The following GMCL1 variants were observed in gnomAD, a reference collection of about 807,000 sequenced individuals.
GMCL1 encodes the protein germ cell-less 1, spermatogenesis associated.
GMCL1 carries 54 observed loss-of-function variants against 75.5 expected under a neutral mutation model. The ratio of observed to expected loss-of-function variants is 0.71; its 90% CI spans 0.57 to 0.90. The LOEUF (loss-of-function observed/expected upper bound fraction) is 0.90. Among genes scored for constraint, GMCL1 ranks in the 40% least tolerant of loss-of-function variants. The pLI is 0.00. For synonymous variants in GMCL1, 210 were observed against 209.6 expected (o/e 1.00, Z -0.02); for missense variants, 537 against 622.7 (o/e 0.86, Z 1.47).
At chr2:69,842,974 T>C (rs17037133) in intron 4 of GMCL1, 175 bp from the exon 5 acceptor site, 11,797 of 388,152 alleles carry the variant, frequency 0.03, 1,083 homozygotes, top group Admixed American at 0.2. Context: ...TTTTTCAGTA[T>C]TTTTATTGGA....
rs1674971322 is a variant in GMCL1 at position 69,841,072 on chromosome 2, GAAT to G, written c.579+40_579+42del. On this transcript the variant is annotated intron_variant, in intron 4 of 13. Coordinates refer to ENST00000282570, the MANE Select transcript of GMCL1 (RefSeq NM_178439.5). Reference sequence around the variant, plus strand: ...TGCACGTTATTCGAAGAAAGGTTCAGAATAATAATCTTTGTCTCAAAGTGTGTA... The same window carrying G: ...TGCACGTTATTCGAAGAAAGGTTCAGAATAATCTTTGTCTCAAAGTGTGTA... 17 of 1,480,098 alleles carry G rather than the reference GAAT, an allele frequency of 1.1e-5. No individual in the cohort carries two copies. The East Asian group carries it at 3.6e-4, about 32-fold the overall frequency. 91.7% of individuals were successfully genotyped at this position (1,480,098 alleles called of 1,614,324 possible).
chr2:69,867,523 C>G (rs1573370096), intron 11 of GMCL1, among the ~76,000 whole-genome samples: 1 of 152,176 alleles, frequency 6.6e-6, no homozygotes, highest in Non-Finnish European at 1.5e-5. Context: ...ATATACAATA[C>G]ATTGTTTTTA....
chr2:69,853,144 T>G (rs1355387818), intron 8 of GMCL1, among the ~76,000 whole-genome samples: 1 of 152,224 alleles, frequency 6.6e-6, no homozygotes, highest in East Asian at 1.9e-4. Context: ...AGAATTAGAT[T>G]TTTATATCTT....
In GMCL1 at chr2:69,869,649, T is replaced by C. The variant is rs188795791; in HGVS notation, c.1219-70T>C. The C allele has an allele frequency of 1.1e-5, 16 of 1,474,440 alleles. No homozygotes were observed. The East Asian group carries it at 3.2e-4, about 30-fold the overall frequency. 91.3% of individuals were successfully genotyped at this position (1,474,440 alleles called of 1,614,324 possible). A position where few individuals can be genotyped will look rare whatever the true frequency, so the allele number is the denominator to read the frequency against. ...GGAATGAGTTAGAGACAAAAAGACA[T>C]TTTGAATTTTTTATTTTCTACTTGC... On this transcript the variant is annotated intron_variant, in intron 11 of 13. Transcript: ENST00000282570.
chr2:69,860,835 TTGTTTGTC>T lies in GMCL1; in HGVS notation c.1073-439_1073-432del, dbSNP rs956391951. Among the ~76,000 whole-genome samples, 12 of 152,242 alleles carry T rather than the reference TTGTTTGTC, an allele frequency of 7.9e-5. No homozygotes were observed. The South Asian group carries it at 2.3e-3, about 29-fold the overall frequency. On this transcript the variant is annotated intron_variant, in intron 9 of 13. Transcript: ENST00000282570. ...CTACCTACCAGTTTCGTTTGTTTGT[TTGTTTGTC>T]TGTCTGTTTGATTGTTTGAGACAGA...
intron 10 of GMCL1, among the ~76,000 whole-genome samples, chr2:69,863,948 CT>C (rs1675731778): frequency 2.0e-5 from 3 of 152,204 alleles, no homozygotes; most frequent in African/African-American, 4.8e-5. Flanking sequence ...GAATTCACCC[CT>C]CACCTCCACC....
At chr2:69,840,466 G>A (rs529617700) in intron 3 of GMCL1, among the ~76,000 whole-genome samples, 1 of 152,146 alleles carries the variant, frequency 6.6e-6, no homozygotes, top group Admixed American at 6.5e-5. Context: ...CATAACAGTG[G>A]CAGTGGAGGA....
At chr2:69,874,435 G>T (rs1676066440) in intron 13 of GMCL1, among the ~76,000 whole-genome samples, 2 of 151,984 alleles carry the variant, frequency 1.3e-5, no homozygotes, top group Admixed American at 6.6e-5. Flanking sequence ...TTTTAGTAGA[G>T]ACAGGATTTC....
chr2:69,861,390 C>A, intron 10 of GMCL1, 43 bp downstream of exon 10: 2 of 1,334,114 alleles, frequency 1.5e-6, no homozygotes, highest in Non-Finnish European at 2.1e-6. Context: ...AAAAAATTTG[C>A]TATGAATTTT....
chr2:69,837,639 A>C lies in GMCL1; in HGVS notation c.353A>C (p.Glu118Ala), dbSNP rs1358248264. ...SDIKICALGE[E>A]WSLHKIYLCQ... Reference sequence around the variant, plus strand: ...ATTAAGATTTGTGCTCTAGGAGAAGAATGGAGCTTACACAAAATATATTTA... The same window carrying C: ...ATTAAGATTTGTGCTCTAGGAGAAGCATGGAGCTTACACAAAATATATTTA... Residue 118 changes from glutamate to alanine, a missense_variant, in exon 2 of 14, where the codon GAA becomes GCA. Glu to Ala is a moderately radical substitution (Grantham distance 107). This residue lies in a region of GMCL1 where 48 missense variants were observed against 85.0 expected (regional missense o/e 0.56). Coordinates refer to ENST00000282570, the MANE Select transcript of GMCL1 (RefSeq NM_178439.5). 1 of 1,602,938 alleles carries C rather than the reference A, an allele frequency of 6.2e-7. No individual in the cohort carries two copies. The highest frequency in any genetic ancestry group is 1.1e-5 in the South Asian group (1 of 87,804).
At chr2:69,861,446 T>C (rs1163735102) in intron 10 of GMCL1, 99 bp downstream of exon 10, 1 of 673,170 alleles carries the variant, frequency 1.5e-6, no homozygotes, top group African/African-American at 1.8e-5. Flanking sequence ...TATTGAAAAC[T>C]CAAGCTGTTG....
At chr2:69,874,171 A>G (rs1676060482) in intron 13 of GMCL1, among the ~76,000 whole-genome samples, 2 of 152,060 alleles carry the variant, frequency 1.3e-5, no homozygotes, top group African/African-American at 4.8e-5. Context: ...CATAAATTCC[A>G]AGAAGTAGAA....
In GMCL1 at chr2:69,852,997, A is replaced by G. The variant is rs7588490; in HGVS notation, c.935-1826A>G. 7.5e-3 allele frequency among the ~76,000 whole-genome samples: 1,144 copies of G among 152,342 alleles called. 14 individuals carry two copies. The highest frequency in any genetic ancestry group is 0.025 in the African/African-American group (1,059 of 41,590). On this transcript the variant is annotated intron_variant, in intron 8 of 13. Transcript: ENST00000282570. ...TGGCTGATGGAATAAGTATGGCCAC[A>G]TGTTGTCCAGCAAGAAACTTTAAAA...
At chr2:69,867,506 A>G (rs917579559) in intron 11 of GMCL1, among the ~76,000 whole-genome samples, 7 of 152,102 alleles carry the variant, frequency 4.6e-5, no homozygotes, top group African/African-American at 1.7e-4. Flanking sequence ...TTTTAACTCC[A>G]TTCTGGATAT....
intron 2 of GMCL1, among the ~76,000 whole-genome samples, chr2:69,838,447 G>A (rs1016281869): frequency 4.0e-5 from 6 of 150,692 alleles, no homozygotes; most frequent in Non-Finnish European, 7.4e-5. Context: ...CTATAAGCTA[G>A]GTATTGTTTG....
At chr2:69,848,837 C>G (rs949356008) in intron 7 of GMCL1, among the ~76,000 whole-genome samples, 1 of 151,852 alleles carries the variant, frequency 6.6e-6, no homozygotes, top group South Asian at 2.1e-4. Flanking sequence ...AAATTAAGGC[C>G]CAGAGATACT....
In GMCL1 at chr2:69,829,938, C is replaced by G. The variant is rs765730017; in HGVS notation, c.46C>G (p.Leu16Val). 2.2e-5 allele frequency: 36 copies of G among 1,603,780 alleles called. No homozygotes were observed. The highest frequency in any genetic ancestry group is 2.7e-5 in the Non-Finnish European group (32 of 1,175,376). Residue 16 changes from leucine (L) to valine (V), a missense_variant, in exon 1 of 14, where the codon CTT becomes GTT. Around this residue, in one of 3 missense-constraint regions of GMCL1, gnomAD observed 144 missense variants for 127.2 expected, o/e 1.13. Transcript: ENST00000282570. ...SRVLRQPRPALAQQAQGARAG... is the reference protein window; with the variant it reads ...SRVLRQPRPAVAQQAQGARAG... ...GGTGCTGCGCCAGCCAAGACCAGCC[C>G]TTGCCCAGCAGGCGCAGGGTGCCAG...
At position 69,854,266 on chromosome 2, in the gene GMCL1, CAGCCTCCTGA is replaced by C. The variant is rs565608773; in HGVS notation, c.935-556_935-547del. Among the ~76,000 whole-genome samples the C allele has an allele frequency of 4.5e-3, 687 of 152,204 alleles. 7 individuals carry two copies. The highest frequency in any genetic ancestry group is 0.014 in the African/African-American group (591 of 41,548). ...CTGGGCTCAAGCAATCTTTCCACCT[CAGCCTCCTGA>C]GTAGCTGGGATCACAGGCGTGAGCC... On this transcript the variant is annotated intron_variant, in intron 8 of 13. Coordinates refer to ENST00000282570, the MANE Select transcript of GMCL1 (RefSeq NM_178439.5).
chr2:69,857,478 A>G (rs553586473), intron 9 of GMCL1, among the ~76,000 whole-genome samples: 15 of 152,242 alleles, frequency 9.9e-5, no homozygotes, highest in Admixed American at 3.9e-4. Context: ...AATTGTATCA[A>G]TTTCTGCCAC....
Sources: allele counts gnomAD v4.1 joint callset (sites outside exome capture counted in the v4.1 genomes callset), GRCh38; gene constraint gnomAD v4.1.1; regional missense constraint gnomAD v4.1.1; transcripts MANE v1.5; gene names NCBI Gene and HGNC (gene_info 2026-07-23, HGNC 2026-07-21).